The following LEUTX variants were observed in gnomAD, a reference collection of about 807,000 sequenced individuals.
The protein encoded by LEUTX is paired-like homeodomain transcription factor LEUTX.
Under a neutral mutation model 4.5 loss-of-function variants are expected in LEUTX, and 5 were observed. The observed-to-expected ratio is 1.11, with a 90% CI of 0.58 to 2.34. The LOEUF (loss-of-function observed/expected upper bound fraction) is 2.34, where lower values mean the gene tolerates loss of function less well. LEUTX is among the 30% of genes most tolerant of loss of function. The pLI is 0.01. For missense variants in LEUTX, 233 were observed against 239.4 expected, an observed-to-expected ratio of 0.97 and a Z score of 0.18; for synonymous variants, 89 against 85.1, an observed-to-expected ratio of 1.05 and a Z score of -0.25.
At chr19:39,780,995 T>C (rs77288223) in intron 1 of LEUTX, among the ~76,000 whole-genome samples, 2,693 of 152,214 alleles carry the variant, frequency 0.018, 82 homozygotes, top group African/African-American at 0.059. Flanking sequence ...TGAGCCACCG[T>C]GCCCAGCCTT....
chr19:39,783,675 A>AT lies in LEUTX; in HGVS notation c.8-844dup, dbSNP rs1210436390. ...TCCACGCCAACATCTATTTTTTTTT[A>AT]TTTTTTTTATTATGGCCATTCTTGT... On this transcript the variant is annotated intron_variant, in intron 1 of 2. Coordinates refer to ENST00000638280, the MANE Select transcript of LEUTX (RefSeq NM_001382345.1). 4.0e-5 allele frequency among the ~76,000 whole-genome samples: 6 copies of AT among 149,954 alleles called. No homozygotes were observed. The South Asian group carries it at 6.3e-4, about 16-fold the overall frequency.
chr19:39,781,831 AAC>A (rs1383767262), intron 1 of LEUTX, among the ~76,000 whole-genome samples: 2 of 152,176 alleles, frequency 1.3e-5, no homozygotes, highest in African/African-American at 4.8e-5. Flanking sequence ...AAAATGGACT[AAC>A]ACATGCACCA....
chr19:39,783,064 T>G (rs907216806), intron 1 of LEUTX, among the ~76,000 whole-genome samples: 2 of 151,308 alleles, frequency 1.3e-5, no homozygotes, highest in East Asian at 1.9e-4. Context: ...CCAAAGTCCA[T>G]TGTGTCATTC....
At chr19:39,785,614 C>A in intron 2 of LEUTX, 84 bp from the exon 3 acceptor site, 1 of 1,132,026 alleles carries the variant, frequency 8.8e-7, no homozygotes, top group East Asian at 2.6e-5. Flanking sequence ...TCTCTCACAC[C>A]AAAAAACCGA....
At chr19:39,777,709 CAG>C (rs997038868), upstream of LEUTX, among the ~76,000 whole-genome samples, 1 of 152,154 alleles carries the variant, frequency 6.6e-6, no homozygotes, top group African/African-American at 2.4e-5. Flanking sequence ...AGCACTTTGG[CAG>C]GCCAAGGCTG....
chr19:39,783,756 G>C (rs1282977742), intron 1 of LEUTX, among the ~76,000 whole-genome samples: 4 of 151,414 alleles, frequency 2.6e-5, no homozygotes, highest in Non-Finnish European at 4.4e-5. Flanking sequence ...TTTCATGTTT[G>C]TTGGCCATTT....
intron 2 of LEUTX, among the ~76,000 whole-genome samples, chr19:39,784,988 T>C (rs1967943434): frequency 6.6e-6 from 1 of 152,132 alleles, no homozygotes; most frequent in African/African-American, 2.4e-5. Context: ...TTTGGGTCTG[T>C]TCTTGTGTAT....
intron 1 of LEUTX, among the ~76,000 whole-genome samples, chr19:39,781,210 A>T (rs1967881956): frequency 6.6e-6 from 1 of 152,130 alleles, no homozygotes; most frequent in Admixed American, 6.5e-5. Flanking sequence ...ATGCTGAGAC[A>T]CTAAGAGAAA....
intron 1 of LEUTX, among the ~76,000 whole-genome samples, chr19:39,783,810 A>C (rs1386790115): frequency 1.3e-5 from 2 of 151,784 alleles, no homozygotes; most frequent in African/African-American, 4.8e-5. Flanking sequence ...TCATGTCCTT[A>C]GCCCACTTTT....
At position 39,786,082 on chromosome 19, in the gene LEUTX, C is replaced by T. The variant is rs1223279190; in HGVS notation, c.544C>T (p.Gln182Ter). The change falls in exon 3 of 3, where the codon CAA becomes TAA. Residue 182 changes from glutamine to a stop codon, truncating the protein, a stop_gained. Transcript: ENST00000638280. LOFTEE classifies it low-confidence loss of function (END_TRUNC). ...PGEDDTSSLN[Q>*]YLFPVCLEYD... The stretch of plus-strand genomic sequence containing the variant: ...GGAAGATGACACCAGCAGCCTAAAT[C>T]AATATCTTTTTCCAGTATGCCTTGA... The T allele has an allele frequency of 1.3e-6, 2 of 1,549,156 alleles. No individual in the cohort carries two copies. Among genetic ancestry groups the T allele is most frequent in the African/African-American group, 2.7e-5 (2 of 72,954 alleles).
At chr19:39,781,687 A>T (rs1242135051) in intron 1 of LEUTX, among the ~76,000 whole-genome samples, 1 of 152,150 alleles carries the variant, frequency 6.6e-6, no homozygotes, top group Non-Finnish European at 1.5e-5. Context: ...GCCTTCTGTC[A>T]TGAGTGGAAG....
intron 1 of LEUTX, among the ~76,000 whole-genome samples, chr19:39,780,950 C>G (rs936694735): frequency 2.0e-5 from 3 of 151,958 alleles, no homozygotes; most frequent in African/African-American, 7.3e-5. Context: ...GTGATTCACC[C>G]TCCCTGGCCT....
intron 1 of LEUTX, 24 bp from the exon 2 acceptor site, chr19:39,784,503 G>T: frequency 1.3e-6 from 1 of 789,994 alleles, no homozygotes; most frequent in Non-Finnish European, 2.2e-6. Flanking sequence ...TTTAATGAAA[G>T]CCTTTTATCT....
At chr19:39,781,371 A>G (rs1182628793) in intron 1 of LEUTX, among the ~76,000 whole-genome samples, 1 of 152,232 alleles carries the variant, frequency 6.6e-6, no homozygotes, top group Non-Finnish European at 1.5e-5. Flanking sequence ...GTTTTACTAG[A>G]TGATGAGGTC....
chr19:39,779,742 G>T (rs1244734773), intron 1 of LEUTX, among the ~76,000 whole-genome samples: 1 of 152,194 alleles, frequency 6.6e-6, no homozygotes, highest in African/African-American at 2.4e-5. Flanking sequence ...GGCTGGGCAT[G>T]GTGGCTCACA....
At chr19:39,781,586 C>T (rs1024378466) in intron 1 of LEUTX, among the ~76,000 whole-genome samples, 7 of 152,110 alleles carry the variant, frequency 4.6e-5, no homozygotes, top group African/African-American at 7.2e-5. Flanking sequence ...TCTCTAAGTT[C>T]ACCTGAGATC....
upstream of LEUTX, chr19:39,776,824 T>C: frequency 2.7e-6 from 1 of 366,738 alleles, no homozygotes; most frequent in Non-Finnish European, 5.4e-6. Context: ...GAGGTTGCAC[T>C]GAGCCGAGAT....
intron 1 of LEUTX, among the ~76,000 whole-genome samples, chr19:39,783,747 T>C (rs916125058): frequency 1.3e-5 from 2 of 152,270 alleles, no homozygotes; most frequent in East Asian, 3.9e-4. Context: ...TGAGCATTTT[T>C]TCATGTTTGT....
chr19:39,776,824 T>A (rs770522536), upstream of LEUTX: 10 of 366,618 alleles, frequency 2.7e-5, no homozygotes, highest in Non-Finnish European at 5.4e-5. Flanking sequence ...GAGGTTGCAC[T>A]GAGCCGAGAT....
Sources: allele counts gnomAD v4.1 joint callset (sites outside exome capture counted in the v4.1 genomes callset), GRCh38; gene constraint gnomAD v4.1.1; transcripts MANE v1.5; gene names NCBI Gene and HGNC (gene_info 2026-07-23, HGNC 2026-07-21).